The following POLA1 variants were observed in gnomAD, a reference collection of about 807,000 sequenced individuals.
POLA1 encodes DNA polymerase alpha 1, catalytic subunit, also known as DNA polymerase alpha catalytic subunit.
In POLA1, 15 loss-of-function variants were observed where a neutral mutation model predicts 124.0. The ratio of observed to expected loss-of-function variants is 0.12; its 90% CI spans 0.08 to 0.19. The LOEUF (loss-of-function observed/expected upper bound fraction) is 0.19. Ranked by LOEUF, POLA1 falls within the 10% of genes least tolerant of loss-of-function variation. POLA1 has a pLI of 1.00. For missense variants in POLA1, 886 were observed against 1,103.4 expected (o/e 0.80, Z 2.79); for synonymous variants, 408 against 389.4 (o/e 1.05, Z -0.56).
At chrX:24,957,390 G>A (rs1185808552) in intron 36 of POLA1, among the ~76,000 whole-genome samples, 1 of 111,268 alleles carries the variant, frequency 9.0e-6, no homozygotes, top group Non-Finnish European at 1.9e-5. Flanking sequence ...ATGGGAGTAA[G>A]TTGGTAGAAG....
In POLA1 at chrX:24,957,639, T is replaced by C. The variant is rs183477555; in HGVS notation, c.4261+27090T>C. Among the ~76,000 whole-genome samples the C allele has an allele frequency of 2.7e-3, 301 of 112,090 alleles. 3 individuals carry two copies. The highest frequency in any genetic ancestry group is 9.1e-3 in the African/African-American group (282 of 30,863). On this transcript the variant is annotated intron_variant, in intron 36 of 36. Coordinates refer to ENST00000379068, the MANE Select transcript of POLA1 (RefSeq NM_001330360.2). Reference sequence around the variant, plus strand: ...TTTTAAAAACAACATTAAAATAGTATCTATGTGTTGTTTGTGCTTATACAA... The same window carrying C: ...TTTTAAAAACAACATTAAAATAGTACCTATGTGTTGTTTGTGCTTATACAA...
At chrX:24,891,029 A>T (rs1392226523) in intron 35 of POLA1, among the ~76,000 whole-genome samples, 1 of 112,446 alleles carries the variant, frequency 8.9e-6, no homozygotes, top group Admixed American at 9.4e-5. Context: ...CAGTTTTATG[A>T]TTGCATTCTT....
intron 35 of POLA1, among the ~76,000 whole-genome samples, chrX:24,916,671 T>G (rs1379783804): frequency 8.9e-6 from 1 of 111,764 alleles, no homozygotes; most frequent in African/African-American, 3.3e-5. Flanking sequence ...TGGGGAGATG[T>G]ATAGCGTGGG....
intron 35 of POLA1, among the ~76,000 whole-genome samples, chrX:24,907,337 CAAAAAATTATTTG>C (rs923507638): frequency 8.2e-5 from 9 of 110,400 alleles, no homozygotes; most frequent in African/African-American, 3.0e-4. Flanking sequence ...ACCATAGGGC[CAAAAAATTATTTG>C]AAGAAATAAT....
chrX:24,836,299 G>A (rs2046340210), intron 32 of POLA1, among the ~76,000 whole-genome samples: 1 of 111,940 alleles, frequency 8.9e-6, no homozygotes, highest in Non-Finnish European at 1.9e-5. Flanking sequence ...CCACATTTGA[G>A]GTATTTTGAA....
chrX:24,865,739 G>C (rs2046785051), intron 34 of POLA1, among the ~76,000 whole-genome samples: 2 of 111,823 alleles, frequency 1.8e-5, no homozygotes, highest in Non-Finnish European at 3.8e-5. Context: ...ATGCTGAGTT[G>C]TAATTATGTC....
At chrX:24,859,248 G>T (rs1453106337) in intron 34 of POLA1, among the ~76,000 whole-genome samples, 2 of 111,646 alleles carry the variant, frequency 1.8e-5, no homozygotes, top group Non-Finnish European at 3.8e-5. Context: ...AACCTCCTGT[G>T]GTTGTTCATT....
At chrX:24,995,772 T>G in intron 36 of POLA1, 33 bp from the exon 37 acceptor site, 1 of 1,167,327 alleles carries the variant, frequency 8.6e-7, no homozygotes, top group Non-Finnish European at 1.2e-6. Context: ...AGAAACTACC[T>G]GAGACTTCTA....
chrX:24,739,914 C>T (rs186855224), intron 20 of POLA1, among the ~76,000 whole-genome samples: 2 of 111,928 alleles, frequency 1.8e-5, no homozygotes. Context: ...CTCTGGCCAT[C>T]TCTCATTCAT....
chrX:24,940,347 A>G (rs1468332157), intron 36 of POLA1, among the ~76,000 whole-genome samples: 1 of 111,651 alleles, frequency 9.0e-6, no homozygotes, highest in East Asian at 2.8e-4. Flanking sequence ...CAGGTTTAGA[A>G]CCCAATCTAG....
chrX:24,858,118 C>A (rs1392123329), intron 34 of POLA1, among the ~76,000 whole-genome samples: 1 of 112,013 alleles, frequency 8.9e-6, no homozygotes, highest in Admixed American at 9.5e-5. Context: ...TTTTGGAAAG[C>A]AAAAATAACC....
At chrX:24,973,080 G>A in intron 36 of POLA1, among the ~76,000 whole-genome samples, 1 of 112,270 alleles carries the variant, frequency 8.9e-6, no homozygotes, top group Non-Finnish European at 1.9e-5. Context: ...TTCTGGCTGG[G>A]TGCAGTGGCT....
intron 35 of POLA1, among the ~76,000 whole-genome samples, chrX:24,924,455 A>G (rs1468254002): frequency 9.0e-6 from 1 of 111,606 alleles, no homozygotes; most frequent in Non-Finnish European, 1.9e-5. Flanking sequence ...TACACATAGG[A>G]CACATTAGAA....
chrX:24,873,821 C>T (rs1237824214), intron 34 of POLA1, among the ~76,000 whole-genome samples: 1 of 111,251 alleles, frequency 9.0e-6, no homozygotes, highest in Non-Finnish European at 1.9e-5. Flanking sequence ...TTAAATTAAC[C>T]CAATATATCC....
At chrX:24,705,906 A>G (rs1364485599) in intron 4 of POLA1, among the ~76,000 whole-genome samples, 1 of 112,293 alleles carries the variant, frequency 8.9e-6, no homozygotes. Flanking sequence ...TGTCCTTCCC[A>G]TATCAGGGGC....
chrX:24,948,351 GTT>G (rs5901766), intron 36 of POLA1, among the ~76,000 whole-genome samples: 4 of 104,302 alleles, frequency 3.8e-5, no homozygotes, highest in African/African-American at 1.0e-4. Context: ...GCTACTTTCT[GTT>G]TTTTTTTTTC....
In POLA1 at chrX:24,717,466, T is replaced by C. The variant is rs767204420; in HGVS notation, c.883T>C (p.Ser295Pro). ...AGAGGAAGTGAAACAAGAGGCGGAT[T>C]CTGGGAAAGGGACCGTGTCCTACTT... ...PAEEVKQEAD[S>P]GKGTVSYLGS... The change falls in exon 9 of 37, where the codon TCT becomes CCT. Residue 295 changes from serine (S) to proline (P), a missense_variant. By Grantham distance (74) the Ser-to-Pro change is moderately conservative. Around this residue, in one of 7 missense-constraint regions of POLA1, gnomAD observed 337 missense variants for 402.8 expected, o/e 0.84. Coordinates refer to ENST00000379068, the MANE Select transcript of POLA1 (RefSeq NM_001330360.2). 1 of 1,211,461 alleles carries C rather than the reference T, an allele frequency of 8.3e-7. No homozygotes were observed. Among genetic ancestry groups the C allele is most frequent in the Admixed American group, 2.2e-5 (1 of 46,062 alleles).
chrX:24,730,234 CTTTTCTTTTT>C (rs1472038123), intron 15 of POLA1, among the ~76,000 whole-genome samples: 1 of 111,107 alleles, frequency 9.0e-6, no homozygotes. Context: ...ATTCCATTTT[CTTTTCTTTTT>C]TTTTCTTTTT....
chrX:24,892,275 T>G (rs765747523), intron 35 of POLA1, among the ~76,000 whole-genome samples: 10 of 110,435 alleles, frequency 9.1e-5, no homozygotes, highest in Middle Eastern at 4.7e-3. Context: ...AATACGAGAG[T>G]GAAAATTTTG....
Sources: allele counts gnomAD v4.1 joint callset (sites outside exome capture counted in the v4.1 genomes callset), GRCh38; gene constraint gnomAD v4.1.1; regional missense constraint gnomAD v4.1.1; transcripts MANE v1.5; gene names NCBI Gene and HGNC (gene_info 2026-07-23, HGNC 2026-07-21).